Variants in HPSE2 observed in about 807,000 individuals in gnomAD.
The protein encoded by HPSE2 is heparanase 2 (inactive).
In HPSE2, 38 loss-of-function variants were observed where a neutral mutation model predicts 60.5. The ratio of observed to expected loss-of-function variants is 0.63; its 90% CI spans 0.48 to 0.82. The LOEUF is 0.82. Ranked by LOEUF, HPSE2 falls within the 40% of genes least tolerant of loss-of-function variation. The probability of loss-of-function intolerance (pLI) is 0.00; values close to 1 mark genes in which losing one functional copy is unlikely to be tolerated. For missense variants in HPSE2, 713 were observed against 740.4 expected, an observed-to-expected ratio of 0.96 and a Z score of 0.43; for synonymous variants, 295 against 293.2, an observed-to-expected ratio of 1.01 and a Z score of -0.06.
intron 3 of HPSE2, among the ~76,000 whole-genome samples, chr10:98,937,951 A>C (rs1283302525): frequency 7.0e-6 from 1 of 143,660 alleles, no homozygotes; most frequent in South Asian, 2.1e-4. Context: ...TGTTCTGCAG[A>C]CACCTCTGCT....
chr10:98,561,547 T>A (rs1011714002), intron 9 of HPSE2, among the ~76,000 whole-genome samples: 2 of 152,160 alleles, frequency 1.3e-5, no homozygotes, highest in Non-Finnish European at 2.9e-5. Flanking sequence ...TAATTTATTA[T>A]TAAAGAAAGA....
At chr10:98,818,607 T>C (rs557828598) in intron 3 of HPSE2, among the ~76,000 whole-genome samples, 10 of 152,248 alleles carry the variant, frequency 6.6e-5, no homozygotes, top group East Asian at 3.9e-4. Context: ...TGCCTTCCAA[T>C]AGGGAGAAAG....
chr10:98,803,872 G>A (rs1950977926), intron 3 of HPSE2, among the ~76,000 whole-genome samples: 1 of 151,946 alleles, frequency 6.6e-6, no homozygotes, highest in African/African-American at 2.4e-5. Flanking sequence ...GTCATTGGTA[G>A]CTTGATGGGG....
At chr10:98,948,370 C>T (rs1002794005) in intron 3 of HPSE2, among the ~76,000 whole-genome samples, 2 of 152,092 alleles carry the variant, frequency 1.3e-5, no homozygotes, top group Non-Finnish European at 2.9e-5. Flanking sequence ...GGACACCACA[C>T]AAGAGGAATT....
At chr10:99,078,399 T>C (rs971744894) in intron 3 of HPSE2, among the ~76,000 whole-genome samples, 4 of 152,232 alleles carry the variant, frequency 2.6e-5, no homozygotes, top group Non-Finnish European at 4.4e-5. Flanking sequence ...ATATAATCTA[T>C]GCATATTCTC....
chr10:98,726,007 A>C (rs904555122), intron 4 of HPSE2, among the ~76,000 whole-genome samples: 3 of 152,202 alleles, frequency 2.0e-5, no homozygotes, highest in African/African-American at 7.2e-5. Context: ...GAGGATGTGG[A>C]GAAATAGGAA....
intron 4 of HPSE2, among the ~76,000 whole-genome samples, chr10:98,725,171 A>G (rs999696826): frequency 2.0e-5 from 3 of 152,166 alleles, no homozygotes; most frequent in African/African-American, 7.2e-5. Context: ...AAAAGAGCCC[A>G]CATTGCCAAG....
intron 3 of HPSE2, among the ~76,000 whole-genome samples, chr10:99,118,853 C>T (rs183750739): frequency 7.3e-5 from 11 of 151,664 alleles, no homozygotes; most frequent in Non-Finnish European, 1.0e-4. Flanking sequence ...CCTGTCTCTA[C>T]GAAAAATACA....
intron 6 of HPSE2, among the ~76,000 whole-genome samples, chr10:98,651,044 T>G (rs1946900398): frequency 6.6e-6 from 1 of 152,194 alleles, no homozygotes; most frequent in African/African-American, 2.4e-5. Context: ...TATATTTTAG[T>G]TCCTGTACCT....
At chr10:99,252,647 T>G in the HPSE2 span, among the ~76,000 whole-genome samples, 1 of 151,824 alleles carries the variant, frequency 6.6e-6, no homozygotes, top group African/African-American at 2.4e-5. Context: ...GAGGCTGAGG[T>G]GGGTAGATCA....
intron 9 of HPSE2, among the ~76,000 whole-genome samples, chr10:98,559,642 C>T (rs998660481): frequency 2.6e-5 from 4 of 152,162 alleles, no homozygotes; most frequent in Non-Finnish European, 2.9e-5. Context: ...TGTTATGTGC[C>T]AGACTGTTCA....
chr10:99,193,520 G>A (rs1248018746), intron 2 of HPSE2, among the ~76,000 whole-genome samples: 6 of 151,346 alleles, frequency 4.0e-5, no homozygotes, highest in African/African-American at 1.5e-4. Flanking sequence ...AAGACCCAGT[G>A]ATCGGCTGCC....
intron 3 of HPSE2, among the ~76,000 whole-genome samples, chr10:98,778,845 T>C (rs1050325270): frequency 1.3e-5 from 2 of 152,086 alleles, no homozygotes; most frequent in African/African-American, 4.8e-5. Flanking sequence ...ATGAATAAAT[T>C]ACAAAGGAGA....
At chr10:99,005,870 A>T (rs909489833) in intron 3 of HPSE2, among the ~76,000 whole-genome samples, 13 of 152,126 alleles carry the variant, frequency 8.5e-5, no homozygotes, top group Non-Finnish European at 1.3e-4. Context: ...CATTCTGAGT[A>T]AGTTGTCCAT....
At chr10:98,994,831 A>G (rs1159974988) in intron 3 of HPSE2, among the ~76,000 whole-genome samples, 1 of 152,162 alleles carries the variant, frequency 6.6e-6, no homozygotes, top group East Asian at 1.9e-4. Context: ...TATGCATAGG[A>G]TAACCTGGTT....
chr10:99,174,777 A>T (rs75768841), intron 2 of HPSE2, among the ~76,000 whole-genome samples: 1 of 152,204 alleles, frequency 6.6e-6, no homozygotes, highest in Non-Finnish European at 1.5e-5. Flanking sequence ...CCATTAGGGT[A>T]TGCCCTAAGC....
intron 3 of HPSE2, among the ~76,000 whole-genome samples, chr10:98,936,167 C>A (rs1954784108): frequency 6.9e-6 from 1 of 144,206 alleles, no homozygotes; most frequent in Non-Finnish European, 1.5e-5. Flanking sequence ...GGAATTCGAT[C>A]CCCCCAGGCA....
At chr10:98,929,271 A>G (rs1476217081) in intron 3 of HPSE2, among the ~76,000 whole-genome samples, 2 of 143,588 alleles carry the variant, frequency 1.4e-5, no homozygotes, top group Non-Finnish European at 3.0e-5. Flanking sequence ...GACACTGCAG[A>G]TCCTATAATC....
chr10:99,276,308 C>G, the HPSE2 span, among the ~76,000 whole-genome samples: 9 of 152,132 alleles, frequency 5.9e-5, no homozygotes, highest in Non-Finnish European at 1.3e-4. Context: ...AATAATTATT[C>G]TTTGTATCAC....
Sources: gnomAD v4.1 joint callset for allele counts (sites outside exome capture counted in the v4.1 genomes callset) on GRCh38, gnomAD v4.1.1 for gene constraint, MANE v1.5 for transcripts, NCBI Gene and HGNC (gene_info 2026-07-23, HGNC 2026-07-21) for gene names.